GPHN: variants seen among roughly 807,000 people sequenced by gnomAD.
GPHN encodes gephyrin.
In GPHN, 17 loss-of-function variants were observed where a neutral mutation model predicts 95.5. The observed-to-expected ratio is 0.18, with a 90% CI of 0.12 to 0.27. The LOEUF (loss-of-function observed/expected upper bound fraction) is 0.27. Ranked by LOEUF, GPHN falls within the 10% of genes least tolerant of loss-of-function variation. The pLI is 1.00. For missense variants in GPHN, 660 were observed against 978.1 expected (o/e 0.67, Z 4.34); for synonymous variants, 320 against 322.5 (o/e 0.99, Z 0.08).
the GPHN span, among the ~76,000 whole-genome samples, chr14:67,542,970 C>G: frequency 6.6e-6 from 1 of 152,176 alleles, no homozygotes. Flanking sequence ...CTCAGCCTCT[C>G]AAAGTGCTGG....
chr14:67,208,420 G>C, the GPHN span: 2 of 1,613,954 alleles, frequency 1.2e-6, no homozygotes, highest in African/African-American at 1.3e-5. Flanking sequence ...CTGATTTTCA[G>C]AGCACAGCTC....
the GPHN span, among the ~76,000 whole-genome samples, chr14:67,192,472 G>C: frequency 6.6e-6 from 1 of 151,962 alleles, no homozygotes; most frequent in South Asian, 2.1e-4. Context: ...TTGGATCAGA[G>C]GGTGGGGTCT....
chr14:67,610,328 A>G, the GPHN span, among the ~76,000 whole-genome samples: 1,159 of 152,262 alleles, frequency 7.6e-3, 8 homozygotes, highest in Middle Eastern at 0.02. Flanking sequence ...CAAGATAACT[A>G]TAAGAGGAAT....
At chr14:67,672,792 CAGT>C in the GPHN span, among the ~76,000 whole-genome samples, 4 of 152,170 alleles carry the variant, frequency 2.6e-5, no homozygotes, top group Admixed American at 1.3e-4. Context: ...TGCTTCTGCA[CAGT>C]ATCTTTTAAC....
At chr14:67,228,458 C>A in the GPHN span, 1 of 224,190 alleles carries the variant, frequency 4.5e-6, no homozygotes, top group Non-Finnish European at 7.5e-6. Context: ...AACTAAAAAG[C>A]AAACACAGCT....
intron 1 of GPHN, among the ~76,000 whole-genome samples, chr14:66,525,542 G>A (rs907845026): frequency 9.9e-5 from 15 of 152,098 alleles, no homozygotes; most frequent in Non-Finnish European, 1.3e-4. Context: ...ATTGCTTTTG[G>A]TGTTTTAGAC....
In GPHN at chr14:66,604,889, A is replaced by G. The variant is rs981716848; in HGVS notation, c.65-76218A>G. Among the ~76,000 whole-genome samples, 42 of 125,362 alleles carry G rather than the reference A, an allele frequency of 3.4e-4. 1 individual carries two copies. The highest frequency in any genetic ancestry group is 5.6e-4 in the Admixed American group (5 of 8,932). The allele number at this position is 125,362 out of a possible 152,430, so 82.2% of individuals were successfully genotyped here. The stretch of plus-strand genomic sequence containing the variant: ...CTCCTTTAGACAACTCTAAATGTCT[A>G]TTGTTCTCATCTTTCTGTCCATATG... On this transcript the variant is annotated intron_variant, in intron 1 of 22. Coordinates refer to ENST00000478722, the MANE Select transcript of GPHN (RefSeq NM_020806.5).
chr14:67,548,418 C>T, the GPHN span, among the ~76,000 whole-genome samples: 1 of 152,186 alleles, frequency 6.6e-6, no homozygotes, highest in African/African-American at 2.4e-5. Context: ...AAGAAATAGG[C>T]CAGGAGTGGT....
chr14:66,631,816 A>G lies in GPHN; in HGVS notation c.65-49291A>G, dbSNP rs573469881. 5.1e-4 allele frequency among the ~76,000 whole-genome samples: 78 copies of G among 152,280 alleles called. 2 individuals carry two copies. In the South Asian group the frequency reaches 0.015, roughly 29 times the overall value. ...CTATATTAGAGAAATTTCCCACTAA[A>G]GAATCTTCATTAACATTTTTCTGCA... On this transcript the variant is annotated intron_variant, in intron 1 of 22. Transcript: ENST00000478722.
chr14:67,377,351 T>TGTTCCAC, the GPHN span, among the ~76,000 whole-genome samples: 3,517 of 152,280 alleles, frequency 0.023, 47 homozygotes, highest in Middle Eastern at 0.054. Flanking sequence ...CAGCCTCAGC[T>TGTTCCAC]GTTCCACATT....
At chr14:67,392,864 C>G in the GPHN span, 4 of 1,599,010 alleles carry the variant, frequency 2.5e-6, no homozygotes, top group Admixed American at 3.4e-5. Flanking sequence ...CCAAGGGCAG[C>G]ACCAGTCAGG....
At chr14:67,711,048 T>C in the GPHN span, among the ~76,000 whole-genome samples, 1 of 152,208 alleles carries the variant, frequency 6.6e-6, no homozygotes. Context: ...TTCCTGGGCA[T>C]AGGCCAAACA....
downstream of GPHN, among the ~76,000 whole-genome samples, chr14:67,182,841 C>CTTTTT (rs1247844705): frequency 5.8e-5 from 7 of 120,032 alleles, no homozygotes; most frequent in Non-Finnish European, 1.0e-4. Flanking sequence ...GTTAGTGGGT[C>CTTTTT]TTTTTTTTTT....
intron 5 of GPHN, among the ~76,000 whole-genome samples, chr14:66,882,078 T>C (rs1596264608): frequency 6.6e-6 from 1 of 151,872 alleles, no homozygotes; most frequent in East Asian, 1.9e-4. Context: ...TCTACAGCCT[T>C]TCTATTTTGT....
At chr14:67,290,921 T>G in the GPHN span, among the ~76,000 whole-genome samples, 1 of 152,184 alleles carries the variant, frequency 6.6e-6, no homozygotes, top group Non-Finnish European at 1.5e-5. Context: ...TATGCTGAAA[T>G]AAATTCTAGA....
At chr14:66,702,750 CCAAATGATTATAA>C (rs1488570440) in intron 2 of GPHN, among the ~76,000 whole-genome samples, 1 of 152,076 alleles carries the variant, frequency 6.6e-6, no homozygotes, top group Non-Finnish European at 1.5e-5. Context: ...TGCATCTTCT[CCAAATGATTATAA>C]CAACAGCAAG....
the GPHN span, chr14:67,650,620 T>C: frequency 1.7e-6 from 2 of 1,166,024 alleles, no homozygotes; most frequent in Admixed American, 1.8e-5. Context: ...GACTCTTGTT[T>C]TTACTTTGGC....
At chr14:67,085,714 A>G (rs116992549) in intron 11 of GPHN, among the ~76,000 whole-genome samples, 1,837 of 152,336 alleles carry the variant, frequency 0.012, 18 homozygotes, top group Non-Finnish European at 0.018. Context: ...TATACATAAC[A>G]TAAAACTTAA....
At chr14:66,564,300 C>G (rs2060374299) in intron 1 of GPHN, among the ~76,000 whole-genome samples, 1 of 151,958 alleles carries the variant, frequency 6.6e-6, no homozygotes, top group Non-Finnish European at 1.5e-5. Context: ...ATAATCAGCT[C>G]TCACCATGAT....
Sources: gnomAD v4.1 joint callset for allele counts (sites outside exome capture counted in the v4.1 genomes callset) on GRCh38, gnomAD v4.1.1 for gene constraint, MANE v1.5 for transcripts, NCBI Gene and HGNC (gene_info 2026-07-23, HGNC 2026-07-21) for gene names.